Variants in TPR observed in about 807,000 individuals in gnomAD.
TPR encodes the protein translocated promoter region, nuclear basket protein.
Under a neutral mutation model 316.1 loss-of-function variants are expected in TPR, and 51 were observed. That is an observed-to-expected ratio of 0.16 (90% confidence interval 0.13 to 0.20). The LOEUF is 0.20. Ranked by LOEUF, TPR falls within the 10% of genes least tolerant of loss-of-function variation. The pLI, the probability that TPR is intolerant of heterozygous loss-of-function variation, is 1.00. For missense variants in TPR, 2,272 were observed against 2,754.8 expected (o/e 0.82, Z 3.92); for synonymous variants, 981 against 914.7 (o/e 1.07, Z -1.31).
At chr1:186,361,940 G>A in intron 7 of TPR, 71 bp from the exon 8 acceptor site, 1 of 1,467,794 alleles carries the variant, frequency 6.8e-7, no homozygotes, top group Non-Finnish European at 9.2e-7. Flanking sequence ...ATGACAAGAT[G>A]AAAAATTCCA....
At chr1:186,374,732 C>A in intron 1 of TPR, 146 bp downstream of exon 1, 2 of 804,656 alleles carry the variant, frequency 2.5e-6, no homozygotes, top group Non-Finnish European at 3.8e-6. Flanking sequence ...CTGTAAGGAG[C>A]AGGAAAGCGA....
At chr1:186,353,923 A>G in intron 17 of TPR, 73 bp from the exon 18 acceptor site, 1 of 1,421,516 alleles carries the variant, frequency 7.0e-7, no homozygotes, top group Non-Finnish European at 9.6e-7. Flanking sequence ...AAATTTCACA[A>G]TAGCTTAACC....
chr1:186,333,811 A>G (rs1658253249), intron 36 of TPR, among the ~76,000 whole-genome samples: 1 of 152,198 alleles, frequency 6.6e-6, no homozygotes, highest in Non-Finnish European at 1.5e-5. Flanking sequence ...GCACAGAAAT[A>G]CTTGAATAAT....
At chr1:186,333,474 T>A in intron 36 of TPR, 80 bp from the exon 37 acceptor site, 1 of 1,532,396 alleles carries the variant, frequency 6.5e-7, no homozygotes, top group African/African-American at 1.4e-5. Context: ...CTGTGGTACA[T>A]GTCACCTTTC....
intron 27 of TPR, chr1:186,343,091 C>A (rs967535886): frequency 5.2e-6 from 2 of 385,246 alleles, no homozygotes; most frequent in Admixed American, 4.4e-5. Context: ...AAACAATGTA[C>A]CCAAGGCCAC....
At chr1:186,367,734 A>C (rs1469429675) in intron 4 of TPR, 152 bp downstream of exon 4, 3 of 508,260 alleles carry the variant, frequency 5.9e-6, no homozygotes, top group African/African-American at 1.9e-5. Flanking sequence ...ATTTAAAGAT[A>C]AATGAGTAGG....
chr1:186,339,626 G>A lies in TPR; in HGVS notation c.4151+16C>T. The A allele has an allele frequency of 2.6e-6, 4 of 1,526,416 alleles. No homozygotes were observed. Among genetic ancestry groups the A allele is most frequent in the Non-Finnish European group, 3.5e-6 (4 of 1,141,556 alleles). 94.6% of individuals were successfully genotyped at this position (1,526,416 alleles called of 1,614,324 possible). On this transcript the variant is annotated intron_variant, in intron 30 of 50. Coordinates refer to ENST00000367478, the MANE Select transcript of TPR (RefSeq NM_003292.3). ...TCTTTTATATTATATATGATTTAAG[G>A]CTTCTTTCCATATACCTTGCAATTT...
At chr1:186,358,681 G>C (rs1320966996) in intron 12 of TPR, 31 bp from the exon 13 acceptor site, 1 of 1,585,742 alleles carries the variant, frequency 6.3e-7, no homozygotes, top group Non-Finnish European at 8.6e-7. Context: ...TGAAAATTTT[G>C]TACTTCCTTC....
intron 27 of TPR, chr1:186,342,649 TA>T (rs150963998): frequency 0.044 from 6,712 of 152,330 alleles, 164 homozygotes; most frequent in Non-Finnish European, 0.048. Context: ...TCATTTTGAC[TA>T]CTCATCAGTT....
chr1:186,327,960 T>A (rs1218247058), intron 39 of TPR, among the ~76,000 whole-genome samples: 1 of 152,040 alleles, frequency 6.6e-6, no homozygotes, highest in African/African-American at 2.4e-5. Context: ...ATTTTTTGTA[T>A]TTTTATTAGA....
At chr1:186,330,316 C>T (rs950370135) in intron 39 of TPR, among the ~76,000 whole-genome samples, 2 of 152,102 alleles carry the variant, frequency 1.3e-5, no homozygotes, top group African/African-American at 2.4e-5. Flanking sequence ...AGACTCCTAT[C>T]TCTGATTTAC....
At chr1:186,339,940 G>C (rs1257802501) in intron 29 of TPR, among the ~76,000 whole-genome samples, 168 bp from the exon 30 acceptor site, 1 of 151,886 alleles carries the variant, frequency 6.6e-6, no homozygotes, top group Non-Finnish European at 1.5e-5. Flanking sequence ...GGCTTGTTTG[G>C]CTAAGAAGTC....
Position 186,337,097 on chromosome 1 carries a change from C to T in TPR, c.4422G>A (p.Gln1474=). 1 of 1,613,844 alleles carries T rather than the reference C, an allele frequency of 6.2e-7. No individual in the cohort carries two copies. Among genetic ancestry groups the T allele is most frequent in the Non-Finnish European group, 8.5e-7 (1 of 1,179,820 alleles). The change falls in exon 32 of 51, where the codon CAG becomes CAA. Residue 1474 remains glutamine (Q), a synonymous_variant. Transcript: ENST00000367478. ...GCGTTTCTTTGAGTTCCTGCATTTC[C>T]TGGACTGAAACATGCTGCTCCTGAT... The part of the protein sequence containing the change: ...GDHQEQHVSV[Q]EMQELKETLN...
chr1:186,355,142 T>C (rs568792669), intron 17 of TPR, among the ~76,000 whole-genome samples: 1 of 152,268 alleles, frequency 6.6e-6, no homozygotes, highest in South Asian at 2.1e-4. Context: ...TGCCCTCAAA[T>C]GACCCACCTG....
chr1:186,343,971 T>C lies in TPR; in HGVS notation c.3537A>G (p.Gln1179=), dbSNP rs774411339. Residue 1179 remains glutamine (Q), a synonymous_variant, in exon 26 of 51, where the codon CAA becomes CAG. Coordinates refer to ENST00000367478, the MANE Select transcript of TPR (RefSeq NM_003292.3). ...CACTGAGAGATACATTCAGTGGACC[T>C]TGTACACCTTCCTTCACAGAGGCAA... ...KVVASVKEGV[Q]GPLNVSLSEE... The C allele has an allele frequency of 7.3e-5, 118 of 1,614,078 alleles. No homozygotes were observed. The highest frequency in any genetic ancestry group is 1.3e-4 in the East Asian group (6 of 44,896).
intron 39 of TPR, 152 bp downstream of exon 39, chr1:186,331,346 G>T: frequency 1.9e-6 from 1 of 527,196 alleles, no homozygotes; most frequent in Non-Finnish European, 3.3e-6. Flanking sequence ...GTAAAAGAAA[G>T]CAGACTCTGC....
chr1:186,358,988 G>A lies in TPR; in HGVS notation c.1390-338C>T, dbSNP rs527913405. ...GGACTGCTAGACTTCACTTGATGAA[G>A]AAGAAAAAAACCAGCTGATATAATA... On this transcript the variant is annotated intron_variant, in intron 12 of 50. Coordinates refer to ENST00000367478, the MANE Select transcript of TPR (RefSeq NM_003292.3). Among the ~76,000 whole-genome samples the A allele has an allele frequency of 4.6e-5, 7 of 152,016 alleles. 1 individual carries two copies. Among genetic ancestry groups the A allele is most frequent in the Admixed American group, 4.6e-4 (7 of 15,278 alleles).
intron 37 of TPR, 46 bp from the exon 38 acceptor site, chr1:186,332,389 A>C (rs747019202): frequency 1.9e-6 from 3 of 1,596,328 alleles, no homozygotes; most frequent in Non-Finnish European, 1.7e-6. Context: ...TAATAACTCA[A>C]TTTAGATAAA....
At chr1:186,338,627 C>T (rs563948628) in intron 30 of TPR, among the ~76,000 whole-genome samples, 46 of 152,288 alleles carry the variant, frequency 3.0e-4, no homozygotes, top group Middle Eastern at 3.4e-3. Flanking sequence ...GAATGTTATG[C>T]TTTGCAAGCC....
Sources: allele counts gnomAD v4.1 joint callset (sites outside exome capture counted in the v4.1 genomes callset), GRCh38; gene constraint gnomAD v4.1.1; transcripts MANE v1.5; gene names NCBI Gene and HGNC (gene_info 2026-07-23, HGNC 2026-07-21).